Variants in AQR observed in about 807,000 individuals in gnomAD.
AQR encodes the protein RNA helicase aquarius.
Under a neutral mutation model 180.5 loss-of-function variants are expected in AQR, and 61 were observed. That is an observed-to-expected ratio of 0.34 (90% CI 0.28 to 0.42). The LOEUF (loss-of-function observed/expected upper bound fraction) is 0.42. Ranked by LOEUF, AQR falls within the 10% of genes least tolerant of loss-of-function variation. The pLI is 1.00. For missense variants in AQR, 1,281 were observed against 1,798.3 expected (o/e 0.71, Z 5.20); for synonymous variants, 551 against 588.8 (o/e 0.94, Z 0.93).
Position 34,900,933 on chromosome 15 carries a change from A to G in AQR, c.2002-70T>C, listed in dbSNP as rs1287182395. On this transcript the variant is annotated intron_variant, in intron 19 of 34. Transcript: ENST00000156471. ...CCAACATTTGCACTTACTGGAATGC[A>G]GAGCTGGCTGCACTAATCCAGAATT... is the stretch of plus-strand genomic sequence containing the variant. 5 of 1,509,052 alleles carry G rather than the reference A, an allele frequency of 3.3e-6. No homozygotes were observed. The African/African-American group carries it at 7.0e-5, about 21-fold the overall frequency. The allele number at this position is 1,509,052 out of a possible 1,614,324, so 93.5% of individuals were successfully genotyped here.
chr15:34,916,675 T>C (rs1381363216), intron 15 of AQR, among the ~76,000 whole-genome samples: 1 of 152,016 alleles, frequency 6.6e-6, no homozygotes, highest in Non-Finnish European at 1.5e-5. Flanking sequence ...GTAGATAGTA[T>C]GTGCCTCCTG....
chr15:34,929,602 T>C (rs1893819356), intron 12 of AQR, among the ~76,000 whole-genome samples: 1 of 152,218 alleles, frequency 6.6e-6, no homozygotes, highest in Non-Finnish European at 1.5e-5. Context: ...CCTTGTAGTA[T>C]AGTTTGAAGT....
At chr15:34,906,855 C>G in intron 17 of AQR, 143 bp from the exon 18 acceptor site, 2 of 720,872 alleles carry the variant, frequency 2.8e-6, no homozygotes, top group South Asian at 2.2e-5. Flanking sequence ...CGCATTGTAA[C>G]ACAATTATGG....
intron 2 of AQR, among the ~76,000 whole-genome samples, chr15:34,962,137 G>A (rs563973435): frequency 1.3e-4 from 20 of 150,042 alleles, no homozygotes; most frequent in Admixed American, 8.0e-4. Context: ...TCCTCCAGCC[G>A]CAGCCTCCCA....
intron 34 of AQR, 74 bp downstream of exon 34, chr15:34,859,963 GTACTT>G: frequency 3.4e-6 from 2 of 595,156 alleles, no homozygotes; most frequent in Admixed American, 3.6e-5. Flanking sequence ...AAGGAATTAG[GTACTT>G]TAAAGATTTA....
At chr15:34,917,249 T>C (rs1281033755) in intron 15 of AQR, among the ~76,000 whole-genome samples, 1 of 152,218 alleles carries the variant, frequency 6.6e-6, no homozygotes, top group Non-Finnish European at 1.5e-5. Flanking sequence ...AGGATATGTC[T>C]TAGATTAACC....
At chr15:34,928,250 G>A (rs1044036607) in intron 12 of AQR, among the ~76,000 whole-genome samples, 1 of 151,432 alleles carries the variant, frequency 6.6e-6, no homozygotes, top group African/African-American at 2.4e-5. Context: ...TAAAAAAAAT[G>A]GGATACATGT....
intron 5 of AQR, among the ~76,000 whole-genome samples, chr15:34,946,919 C>G (rs1894135999): frequency 1.3e-5 from 2 of 150,790 alleles, no homozygotes; most frequent in South Asian, 4.2e-4. Context: ...GCCAGCCGCC[C>G]CATCCGGGAG....
At chr15:34,947,025 T>C (rs1254115494) in intron 5 of AQR, among the ~76,000 whole-genome samples, 1 of 152,170 alleles carries the variant, frequency 6.6e-6, no homozygotes, top group Non-Finnish European at 1.5e-5. Flanking sequence ...AACAGCTCAT[T>C]GAGAACGGGC....
chr15:34,967,890 T>A (rs2050318670), intron 1 of AQR, among the ~76,000 whole-genome samples: 1 of 152,136 alleles, frequency 6.6e-6, no homozygotes, highest in South Asian at 2.1e-4. Context: ...CTTGGCTCAT[T>A]GCAACCTCCG....
In AQR at chr15:34,852,381, G is replaced by A. The variant is rs945435941; in HGVS notation, c.*4411C>T. 3.3e-5 allele frequency: 5 copies of A among 152,228 alleles called. No homozygotes were observed. Among genetic ancestry groups the A allele is most frequent in the East Asian group, 3.9e-4 (2 of 5,156 alleles). 9.4% of individuals were successfully genotyped at this position (152,228 alleles called of 1,614,324 possible). ...AGACGGGGTTTCACCATGTTGGGCC[G>A]GATGATCTCGATCTCCTGACCTCAG... On this transcript the variant is annotated 3_prime_UTR_variant, in exon 35 of 35. Transcript: ENST00000156471.
Position 34,948,352 on chromosome 15 carries a change from T to C in AQR, c.242A>G (p.Tyr81Cys), listed in dbSNP as rs1163968503. The C allele has an allele frequency of 1.2e-6, 2 of 1,612,966 alleles. No individual in the cohort carries two copies. The highest frequency in any genetic ancestry group is 1.3e-5 in the African/African-American group (1 of 74,920). Residue 81 changes from tyrosine to cysteine, a missense_variant, in exon 5 of 35, where the codon TAT (tyrosine) becomes TGT (cysteine). Physicochemically the swap from Tyr to Cys is radical, Grantham distance 194. Around this residue, in one of 9 missense-constraint regions of AQR, gnomAD observed 404 missense variants for 490.9 expected, o/e 0.82. Transcript: ENST00000156471. ...GGCCTTGCTAGATACCTCAGGAGAA[T>C]AATTCATCCAGAGATAATTTTCAAG... ...QYLENYLWMN[Y>C]SPEVSSKAYL... is the part of the protein sequence containing the mutation.
rs939976492 is a variant in AQR, at chr15:34,941,090, T to C, written c.541-91A>G. On this transcript the variant is annotated intron_variant, in intron 7 of 34. Coordinates refer to ENST00000156471, the MANE Select transcript of AQR (RefSeq NM_014691.3). Reference sequence around the variant, plus strand: ...AACTATTTGCTAGTTTTCTAATATATGAGTACAAAATAGAGCAATCTGATA... The same window carrying C: ...AACTATTTGCTAGTTTTCTAATATACGAGTACAAAATAGAGCAATCTGATA... 12 of 851,084 alleles carry C rather than the reference T, an allele frequency of 1.4e-5. No homozygotes were observed. In the East Asian group the frequency reaches 1.5e-4, roughly 11 times the overall value. The allele number at this position is 851,084 out of a possible 1,614,324, so 52.7% of individuals were successfully genotyped here.
chr15:34,910,436 T>G (rs1183666365), intron 16 of AQR, 123 bp from the exon 17 acceptor site: 1 of 1,013,734 alleles, frequency 9.9e-7, no homozygotes, highest in East Asian at 2.6e-5. Context: ...TATTAGTAAC[T>G]CTTATTTCTT....
intron 4 of AQR, among the ~76,000 whole-genome samples, chr15:34,948,974 A>C (rs1483513397): frequency 1.3e-5 from 2 of 151,914 alleles, no homozygotes; most frequent in Non-Finnish European, 2.9e-5. Context: ...AAACCACCGG[A>C]TATTCCCTTA....
At chr15:34,957,650 G>A (rs1219255705) in intron 3 of AQR, among the ~76,000 whole-genome samples, 9 of 149,522 alleles carry the variant, frequency 6.0e-5, no homozygotes, top group East Asian at 4.0e-4. Context: ...GCGGTGAGCC[G>A]AGACTGCACC....
At chr15:34,882,741 T>C in intron 26 of AQR, 102 bp from the exon 27 acceptor site, 1 of 1,061,146 alleles carries the variant, frequency 9.4e-7, no homozygotes, top group South Asian at 2.6e-5. Context: ...TTAACATAAA[T>C]ATATTATAAA....
At chr15:34,955,908 CAA>C (rs71119992) in intron 3 of AQR, among the ~76,000 whole-genome samples, 15 of 68,264 alleles carry the variant, frequency 2.2e-4, no homozygotes, top group Admixed American at 3.3e-4. Flanking sequence ...AACTCCATCT[CAA>C]AAAAAAAAAA....
chr15:34,939,632 G>A (rs149178206), intron 8 of AQR, among the ~76,000 whole-genome samples: 269 of 152,116 alleles, frequency 1.8e-3, no homozygotes, highest in Non-Finnish European at 3.1e-3. Context: ...ATCAAGTATC[G>A]TACAGCTGTA....
Sources: gnomAD v4.1 joint callset for allele counts (sites outside exome capture counted in the v4.1 genomes callset) on GRCh38, gnomAD v4.1.1 for gene constraint, gnomAD v4.1.1 regional missense constraint, MANE v1.5 for transcripts, NCBI Gene and HGNC (gene_info 2026-07-23, HGNC 2026-07-21) for gene names.